CFAP74: variants seen among roughly 807,000 people sequenced by gnomAD.
CFAP74 encodes the protein cilia and flagella associated protein 74.
Under a neutral mutation model 188.9 loss-of-function variants are expected in CFAP74, and 124 were observed. The observed-to-expected ratio is 0.66, with a 90% CI of 0.57 to 0.76. The LOEUF is 0.76. Among genes scored for constraint, CFAP74 ranks in the 30% least tolerant of loss-of-function variants. CFAP74 has a pLI of 0.00. For missense variants in CFAP74, 2,198 were observed against 2,165.2 expected, an observed-to-expected ratio of 1.02 and a Z score of -0.30; for synonymous variants, 956 against 916.7, an observed-to-expected ratio of 1.04 and a Z score of -0.77.
chr1:1,942,209 T>A lies in CFAP74; in HGVS notation c.2487-53A>T, dbSNP rs150636753. Reference sequence around the variant, plus strand: ...CAGGTGCCACAGTCGTGATTCTGTGTGCGCTCAATGCCTGGAGTTATTAAA... The same window carrying A: ...CAGGTGCCACAGTCGTGATTCTGTGAGCGCTCAATGCCTGGAGTTATTAAA... On this transcript the variant is annotated intron_variant, in intron 21 of 38. Coordinates refer to ENST00000682832, the MANE Select transcript of CFAP74 (RefSeq NM_001304360.2). This position sits in a 1 kb window ranked among gnomAD's most constrained non-coding sequence, Gnocchi z 4.3. 2.8e-5 allele frequency: 40 copies of A among 1,415,278 alleles called. No homozygotes were observed. The African/African-American group carries it at 5.0e-4, about 18-fold the overall frequency. The allele number at this position is 1,415,278 out of a possible 1,614,324, so 87.7% of individuals were successfully genotyped here.
At chr1:1,957,169 C>T (rs1654701794) in intron 16 of CFAP74, among the ~76,000 whole-genome samples, 1 of 152,210 alleles carries the variant, frequency 6.6e-6, no homozygotes, top group South Asian at 2.1e-4. Context: ...GAGCATCCTT[C>T]CAGAACGGGA....
At chr1:1,929,657 A>G (rs1652202066) in intron 26 of CFAP74, among the ~76,000 whole-genome samples, 1 of 151,782 alleles carries the variant, frequency 6.6e-6, no homozygotes, top group South Asian at 2.1e-4. Flanking sequence ...TCTGCTCTGC[A>G]GGAAAGGTAG....
At chr1:1,934,150 T>C (rs1484084911) in intron 25 of CFAP74, among the ~76,000 whole-genome samples, 2 of 152,216 alleles carry the variant, frequency 1.3e-5, no homozygotes, top group African/African-American at 4.8e-5. Flanking sequence ...GAGAAGCCCC[T>C]CAGTACTGGG....
Position 1,938,998 on chromosome 1 carries a change from G to A in CFAP74, c.2878-10C>T. On this transcript the variant is annotated splice_polypyrimidine_tract_variant and intron_variant, in intron 24 of 38. Transcript: ENST00000682832. ...GTTGGACGTCCACAAACTGGAAATA[G>A]AAGAGTGCTCTGAGGGCATGTCACG... 1 of 1,535,728 alleles carries A rather than the reference G, an allele frequency of 6.5e-7. No homozygotes were observed. Among genetic ancestry groups the A allele is most frequent in the African/African-American group, 1.4e-5 (1 of 73,176 alleles).
chr1:1,927,992 G>C (rs897876196), intron 27 of CFAP74: 1 of 529,568 alleles, frequency 1.9e-6, no homozygotes, highest in Admixed American at 3.3e-5. Context: ...GGCACGGAGT[G>C]AGGAGGCGGC....
rs1056031221 is a variant in CFAP74, at chr1:1,968,453, G to T, written c.1245+182C>A. 1.3e-5 allele frequency among the ~76,000 whole-genome samples: 2 copies of T among 151,874 alleles called. No individual in the cohort carries two copies. Among genetic ancestry groups the T allele is most frequent in the African/African-American group, 2.4e-5 (1 of 41,338 alleles). On this transcript the variant is annotated intron_variant, in intron 11 of 38. Transcript: ENST00000682832. This position sits in a 1 kb window ranked among gnomAD's most constrained non-coding sequence, Gnocchi z 4.3. ...TGGGCCTCTCTCATGTGGTGGGTCC[G>T]TAGTGTGTCTTGTCCCCTTGTCCTT...
At chr1:1,971,629 C>T (rs1281193807) in intron 9 of CFAP74, among the ~76,000 whole-genome samples, 3 of 152,256 alleles carry the variant, frequency 2.0e-5, no homozygotes, top group African/African-American at 7.2e-5. Context: ...CCCACTCTTC[C>T]CTCCATTTTC....
Position 1,932,426 on chromosome 1 carries a change from A to G in CFAP74, c.3012-2090T>C, listed in dbSNP as rs1652488685. 2.6e-5 allele frequency among the ~76,000 whole-genome samples: 4 copies of G among 151,498 alleles called. No homozygotes were observed. The South Asian group carries it at 6.3e-4, about 24-fold the overall frequency. ...AAAAAAAAAAAGAAAAGAAAAATGT[A>G]GTGATGGGGTGTTGCCCAGGCTGGT... On this transcript the variant is annotated intron_variant, in intron 25 of 38. Transcript: ENST00000682832.
chr1:1,941,056 T>C (rs1039029891), intron 22 of CFAP74, among the ~76,000 whole-genome samples: 20 of 152,030 alleles, frequency 1.3e-4, no homozygotes, highest in African/African-American at 4.6e-4. Context: ...GAGCTTGCAG[T>C]GAGCCGAGAT....
intron 6 of CFAP74, among the ~76,000 whole-genome samples, chr1:1,980,849 C>G (rs1024688805): frequency 6.6e-6 from 1 of 152,248 alleles, no homozygotes; most frequent in Non-Finnish European, 1.5e-5. Flanking sequence ...AAACCGAGAC[C>G]CTCAGAAACC....
intron 25 of CFAP74, among the ~76,000 whole-genome samples, chr1:1,938,523 CCTG>C (rs1391742027): frequency 6.6e-6 from 1 of 152,094 alleles, no homozygotes; most frequent in African/African-American, 2.4e-5. Context: ...TGCACTCACA[CCTG>C]CTCCTACAGT....
At chr1:1,927,992 G>A (rs897876196) in intron 27 of CFAP74, 11 of 529,450 alleles carry the variant, frequency 2.1e-5, no homozygotes, top group Non-Finnish European at 3.7e-5. Flanking sequence ...GGCACGGAGT[G>A]AGGAGGCGGC....
chr1:1,922,415 G>C (rs1402107649), intron 38 of CFAP74, 27 bp from the exon 39 acceptor site: 1 of 1,593,688 alleles, frequency 6.3e-7, no homozygotes, highest in Non-Finnish European at 8.6e-7. Flanking sequence ...GGGGAGAAGA[G>C]GCCTTCAGTC....
Position 1,968,733 on chromosome 1 carries a change from T to C in CFAP74, c.1147A>G (p.Thr383Ala), listed in dbSNP as rs781084372. ...EEKRKKQHPP[T>A]SARHRLTLRD... ...AGGGTCAGCCGGTGCCTGGCACTGG[T>C]GGGGGGATGCTGTTTCTTCCTCTTT... The change falls in exon 11 of 39, where the codon ACC becomes GCC. Residue 383 changes from threonine (T) to alanine (A), a missense_variant. By Grantham distance (58) the Thr-to-Ala change is moderately conservative (BLOSUM62 0). Transcript: ENST00000682832. The surrounding 1 kb of genome is among the most constrained non-coding windows in gnomAD (Gnocchi z 4.3). The C allele has an allele frequency of 1.9e-6, 3 of 1,613,986 alleles. No homozygotes were observed. Among genetic ancestry groups the C allele is most frequent in the Non-Finnish European group, 2.5e-6 (3 of 1,179,924 alleles).
intron 1 of CFAP74, among the ~76,000 whole-genome samples, chr1:1,993,869 C>G (rs1461275997): frequency 1.3e-4 from 19 of 151,032 alleles, no homozygotes; most frequent in Non-Finnish European, 2.7e-4. Flanking sequence ...ATAGTCCCAG[C>G]TACTCGGGAG....
Position 1,995,705 on chromosome 1 carries a change from C to T in CFAP74, c.-19-4730G>A, listed in dbSNP as rs189041301. 3.5e-3 allele frequency among the ~76,000 whole-genome samples: 527 copies of T among 150,982 alleles called. 3 individuals carry two copies. The highest frequency in any genetic ancestry group is 0.012 in the African/African-American group (501 of 41,184). The stretch of plus-strand genomic sequence containing the variant: ...TGGGTGGATCACGAGGTCAGGAGAT[C>T]GAGACCATCCTGGCTAACACGGTGA... On this transcript the variant is annotated intron_variant, in intron 1 of 38. Coordinates refer to ENST00000682832, the MANE Select transcript of CFAP74 (RefSeq NM_001304360.2).
intron 11 of CFAP74, among the ~76,000 whole-genome samples, chr1:1,967,571 C>T (rs1655559241): frequency 6.6e-6 from 1 of 152,100 alleles, no homozygotes; most frequent in Admixed American, 6.5e-5. Context: ...AGGCTCAGCC[C>T]AGGCACTGGG....
At chr1:1,948,895 C>CT (rs1653972935) in intron 18 of CFAP74, among the ~76,000 whole-genome samples, 1 of 56,032 alleles carries the variant, frequency 1.8e-5, no homozygotes. Context: ...CCTTCCCTCC[C>CT]TCCTTCCCTT....
intron 4 of CFAP74, 37 bp from the exon 5 acceptor site, chr1:1,987,072 TG>T: frequency 2.6e-6 from 4 of 1,538,508 alleles, no homozygotes; most frequent in Non-Finnish European, 3.5e-6. Flanking sequence ...GATGGTTCCC[TG>T]AAACTCCAGC....
Sources: gnomAD v4.1 joint callset for allele counts (sites outside exome capture counted in the v4.1 genomes callset) on GRCh38, gnomAD v4.1.1 for gene constraint, Gnocchi (gnomAD v3.1) non-coding constraint, MANE v1.5 for transcripts, NCBI Gene and HGNC (gene_info 2026-07-23, HGNC 2026-07-21) for gene names.